Variants in KCNIP4 observed in about 807,000 individuals in gnomAD.
KCNIP4 encodes Kv channel-interacting protein 4.
KCNIP4 carries 12 observed loss-of-function variants against 34.0 expected under a neutral mutation model. The observed-to-expected ratio is 0.35, with a 90% CI of 0.23 to 0.57. The LOEUF is 0.57. Among genes scored for constraint, KCNIP4 ranks in the 20% least tolerant of loss-of-function variants. The probability of loss-of-function intolerance (pLI) is 0.83; values close to 1 mark genes in which losing one functional copy is unlikely to be tolerated. For synonymous variants in KCNIP4, 124 were observed against 102.2 expected (o/e 1.21, Z -1.29); for missense variants, 238 against 311.7 (o/e 0.76, Z 1.78).
intron 3 of KCNIP4, among the ~76,000 whole-genome samples, chr4:20,779,467 C>T (rs146465690): frequency 0.01 from 1,568 of 151,832 alleles, 33 homozygotes; most frequent in African/African-American, 0.036. Flanking sequence ...CCCTAGAGTT[C>T]GGTGACCCCA....
At chr4:21,204,580 T>C (rs1464369795) in intron 1 of KCNIP4, among the ~76,000 whole-genome samples, 2 of 152,170 alleles carry the variant, frequency 1.3e-5, no homozygotes, top group Non-Finnish European at 2.9e-5. Context: ...TCCTTAGAGG[T>C]CTAATAATCC....
At position 21,695,271 on chromosome 4, in the gene KCNIP4, G is replaced by T. The variant is rs79589809; in HGVS notation, c.61+253300C>A. Among the ~76,000 whole-genome samples the T allele has an allele frequency of 1.8e-3, 272 of 152,134 alleles. 7 individuals carry two copies. In the South Asian group the frequency reaches 0.036, roughly 20 times the overall value. On this transcript the variant is annotated intron_variant, in intron 1 of 8. Transcript: ENST00000382152. ...ATTTTGAGTAGTTGTAAAGATTCTG[G>T]CTGGATATCACAAAATTTAGTATTA...
At chr4:21,256,412 C>T (rs1368557445) in intron 1 of KCNIP4, among the ~76,000 whole-genome samples, 5 of 134,542 alleles carry the variant, frequency 3.7e-5, no homozygotes, top group African/African-American at 1.1e-4. Context: ...AGATCCCATC[C>T]CTGCTTAAAA....
intron 1 of KCNIP4, among the ~76,000 whole-genome samples, chr4:21,855,915 C>T (rs1270837653): frequency 6.6e-6 from 1 of 152,198 alleles, no homozygotes; most frequent in Admixed American, 6.5e-5. Flanking sequence ...AGCCCACATA[C>T]AGTCTTTTAA....
intron 1 of KCNIP4, among the ~76,000 whole-genome samples, chr4:21,567,950 A>T (rs1419799029): frequency 6.6e-6 from 1 of 152,160 alleles, no homozygotes; most frequent in African/African-American, 2.4e-5. Context: ...CCAGAACAGT[A>T]CTTGATAATA....
chr4:21,587,235 G>A (rs73109871), intron 1 of KCNIP4, among the ~76,000 whole-genome samples: 4,822 of 152,116 alleles, frequency 0.032, 254 homozygotes, highest in African/African-American at 0.11. Context: ...AAGTAACTTT[G>A]TGGATGCCAC....
At position 21,904,257 on chromosome 4, in the gene KCNIP4, T is replaced by C. The variant is rs75883877; in HGVS notation, c.61+44314A>G. 5.0e-3 allele frequency among the ~76,000 whole-genome samples: 767 copies of C among 152,238 alleles called. 3 individuals are homozygous for C. The highest frequency in any genetic ancestry group is 8.9e-3 in the Non-Finnish European group (608 of 68,006). Reference sequence around the variant, plus strand: ...CCTAAGAATCAAATAGGTTCTAGAGTCAGACATACCTGGATTCAAATTCTT... The same window carrying C: ...CCTAAGAATCAAATAGGTTCTAGAGCCAGACATACCTGGATTCAAATTCTT... On this transcript the variant is annotated intron_variant, in intron 1 of 8. Coordinates refer to ENST00000382152, the MANE Select transcript of KCNIP4 (RefSeq NM_025221.6).
At chr4:21,531,705 T>G (rs1226735887) in intron 1 of KCNIP4, among the ~76,000 whole-genome samples, 1 of 151,982 alleles carries the variant, frequency 6.6e-6, no homozygotes, top group Non-Finnish European at 1.5e-5. Flanking sequence ...AACTTGTTAT[T>G]TACTATAATG....
intron 1 of KCNIP4, among the ~76,000 whole-genome samples, chr4:21,357,558 A>G (rs957698611): frequency 4.6e-5 from 7 of 152,248 alleles, no homozygotes; most frequent in Admixed American, 2.0e-4. Flanking sequence ...GCCAACAGAC[A>G]CATGAAAAAA....
intron 1 of KCNIP4, among the ~76,000 whole-genome samples, chr4:20,928,908 G>T (rs138272736): frequency 1.3e-3 from 195 of 151,944 alleles, no homozygotes; most frequent in African/African-American, 4.1e-3. Flanking sequence ...TCAAAACTTT[G>T]CAACAAAGAA....
rs148775025 is a variant in KCNIP4, at chr4:21,177,743, G to A, written c.62-295034C>T. Among the ~76,000 whole-genome samples the A allele has an allele frequency of 8.8e-4, 134 of 151,728 alleles. 1 individual carries two copies. The highest frequency in any genetic ancestry group is 2.9e-3 in the Admixed American group (44 of 15,222). On this transcript the variant is annotated intron_variant, in intron 1 of 8. Coordinates refer to ENST00000382152, the MANE Select transcript of KCNIP4 (RefSeq NM_025221.6). ...GGGCATGGTGGTGGATGCTTCTCAG[G>A]AGGCTGAGGCAGGAGAATGGCTTGA...
At chr4:21,832,891 T>C (rs982724795) in intron 1 of KCNIP4, among the ~76,000 whole-genome samples, 1 of 151,456 alleles carries the variant, frequency 6.6e-6, no homozygotes, top group African/African-American at 2.4e-5. Flanking sequence ...ATTTCCAATT[T>C]CATCCATGTC....
chr4:21,304,319 G>A (rs898198452), intron 1 of KCNIP4, among the ~76,000 whole-genome samples: 9 of 152,156 alleles, frequency 5.9e-5, no homozygotes, highest in African/African-American at 2.2e-4. Flanking sequence ...GCATGAAGTC[G>A]CGGCGCAGAT....
intron 1 of KCNIP4, among the ~76,000 whole-genome samples, chr4:21,113,523 G>A (rs981623605): frequency 1.3e-5 from 2 of 148,266 alleles, no homozygotes; most frequent in African/African-American, 4.9e-5. Flanking sequence ...AAACAGTTGA[G>A]TTAGTATCTC....
chr4:21,900,611 A>G (rs1727652207), intron 1 of KCNIP4, among the ~76,000 whole-genome samples: 1 of 152,186 alleles, frequency 6.6e-6, no homozygotes, highest in Admixed American at 6.5e-5. Context: ...TAAATATGTC[A>G]TTTTTCAAAC....
At chr4:21,835,394 A>T (rs542969811) in intron 1 of KCNIP4, among the ~76,000 whole-genome samples, 8 of 152,158 alleles carry the variant, frequency 5.3e-5, no homozygotes. Context: ...CAATTTGGTA[A>T]ATGCAATTTA....
chr4:20,941,514 A>G (rs1731638032), intron 1 of KCNIP4, among the ~76,000 whole-genome samples: 1 of 152,210 alleles, frequency 6.6e-6, no homozygotes, highest in Admixed American at 6.5e-5. Flanking sequence ...ACAAAAGAAG[A>G]ACTTTTAAAG....
intron 1 of KCNIP4, among the ~76,000 whole-genome samples, chr4:21,569,404 A>C (rs1740189757): frequency 6.6e-6 from 1 of 151,984 alleles, no homozygotes; most frequent in Non-Finnish European, 1.5e-5. Flanking sequence ...CTAGTGAAAG[A>C]ATTATAAAGA....
At chr4:21,452,758 G>T in intron 1 of KCNIP4, among the ~76,000 whole-genome samples, 1 of 148,328 alleles carries the variant, frequency 6.7e-6, no homozygotes, top group Middle Eastern at 3.6e-3. Context: ...AAGCCACATT[G>T]TCTGCTATCT....
Sources: allele counts gnomAD v4.1 joint callset (sites outside exome capture counted in the v4.1 genomes callset), GRCh38; gene constraint gnomAD v4.1.1; transcripts MANE v1.5; gene names NCBI Gene and HGNC (gene_info 2026-07-23, HGNC 2026-07-21).